AKAP6: variants seen among roughly 807,000 people sequenced by gnomAD.
The protein encoded by AKAP6 is A-kinase anchoring protein 6, also known as A-kinase anchor protein 6.
In AKAP6, 58 loss-of-function variants were observed where a neutral mutation model predicts 188.5. The ratio of observed to expected loss-of-function variants is 0.31; its 90% confidence interval spans 0.25 to 0.38. AKAP6 has a LOEUF of 0.38. AKAP6 is among the 10% of genes least tolerant of loss of function. The pLI, the probability that AKAP6 is intolerant of heterozygous loss-of-function variation, is 1.00. For missense variants in AKAP6, 2,710 were observed against 2,740.0 expected (o/e 0.99, Z 0.24); for synonymous variants, 989 against 998.6 (o/e 0.99, Z 0.18).
At chr14:32,645,674 T>C (rs917075446) in intron 7 of AKAP6, among the ~76,000 whole-genome samples, 2 of 152,116 alleles carry the variant, frequency 1.3e-5, no homozygotes, top group African/African-American at 4.8e-5. Context: ...ACCAGGGCTG[T>C]GTTGAATTCA....
At chr14:32,724,611 C>A (rs1413379390) in intron 9 of AKAP6, among the ~76,000 whole-genome samples, 1 of 151,986 alleles carries the variant, frequency 6.6e-6, no homozygotes, top group Admixed American at 6.6e-5. Flanking sequence ...TTAAAATTTC[C>A]ATATATCCAG....
intron 7 of AKAP6, among the ~76,000 whole-genome samples, chr14:32,636,208 C>G (rs1040234877): frequency 6.6e-6 from 1 of 152,058 alleles, no homozygotes; most frequent in African/African-American, 2.4e-5. Context: ...TATACATATA[C>G]AACATAATTG....
intron 1 of AKAP6, among the ~76,000 whole-genome samples, chr14:32,358,311 A>G (rs912723137): frequency 1.3e-5 from 2 of 152,228 alleles, no homozygotes; most frequent in Non-Finnish European, 2.9e-5. Flanking sequence ...CACTTCTTAC[A>G]CTTGCTTAGT....
chr14:32,581,780 G>T (rs1382392054), intron 5 of AKAP6, among the ~76,000 whole-genome samples: 1 of 151,918 alleles, frequency 6.6e-6, no homozygotes, highest in Non-Finnish European at 1.5e-5. Context: ...ATCTTTGTTG[G>T]TTTAAAGTCT....
chr14:32,777,091 T>G (rs1371096715), intron 12 of AKAP6, among the ~76,000 whole-genome samples: 1 of 152,142 alleles, frequency 6.6e-6, no homozygotes, highest in African/African-American at 2.4e-5. Context: ...AAGAAAAGTT[T>G]TTGCCTTAGT....
At chr14:32,695,048 A>T (rs932406639) in intron 8 of AKAP6, among the ~76,000 whole-genome samples, 3 of 152,222 alleles carry the variant, frequency 2.0e-5, no homozygotes, top group African/African-American at 7.2e-5. Context: ...GTTTTAGAAG[A>T]ATCTGGGCTT....
At chr14:32,339,902 A>G (rs1171112235) in intron 1 of AKAP6, among the ~76,000 whole-genome samples, 11 of 152,138 alleles carry the variant, frequency 7.2e-5, no homozygotes, top group Admixed American at 2.6e-4. Flanking sequence ...CTGCAGCTGA[A>G]TTTTGTACCA....
At chr14:32,336,581 A>G (rs1886710093) in intron 1 of AKAP6, among the ~76,000 whole-genome samples, 1 of 152,212 alleles carries the variant, frequency 6.6e-6, no homozygotes, top group African/African-American at 2.4e-5. Context: ...TGGGCTGTGC[A>G]TACAGATGGT....
chr14:32,817,024 A>T (rs541266316), intron 12 of AKAP6, among the ~76,000 whole-genome samples: 1 of 152,288 alleles, frequency 6.6e-6, no homozygotes, highest in South Asian at 2.1e-4. Context: ...CTTTCAAAAG[A>T]TGCAACTTTT....
At chr14:32,583,968 G>A (rs191850519) in intron 5 of AKAP6, among the ~76,000 whole-genome samples, 42 of 152,296 alleles carry the variant, frequency 2.8e-4, no homozygotes, top group East Asian at 1.2e-3. Context: ...GCTCGCGCAC[G>A]GTGCGCTGCA....
chr14:32,342,368 C>T (rs2138417077), intron 1 of AKAP6, among the ~76,000 whole-genome samples: 1 of 152,138 alleles, frequency 6.6e-6, no homozygotes, highest in East Asian at 1.9e-4. Context: ...ATCCTAAGCC[C>T]TCTCTTCCAT....
intron 1 of AKAP6, among the ~76,000 whole-genome samples, chr14:32,360,709 T>C (rs1207004230): frequency 4.7e-5 from 5 of 106,056 alleles, no homozygotes; most frequent in South Asian, 3.1e-4. Context: ...GTTTTGGCCA[T>C]TGAGTGTGTG....
chr14:32,728,511 C>G (rs964795177), intron 9 of AKAP6, among the ~76,000 whole-genome samples: 1 of 151,994 alleles, frequency 6.6e-6, no homozygotes, highest in African/African-American at 2.4e-5. Flanking sequence ...ATTCTAATAA[C>G]TAGATCATTT....
chr14:32,720,190 G>A (rs2030457972), intron 9 of AKAP6, among the ~76,000 whole-genome samples: 1 of 151,948 alleles, frequency 6.6e-6, no homozygotes, highest in South Asian at 2.1e-4. Context: ...GCTTTCTGAG[G>A]GTCTCAAATA....
At position 32,398,821 on chromosome 14, in the gene AKAP6, C is replaced by CCTCTCT. The variant is rs1482831090; in HGVS notation, c.-34-34630_-34-34625dup. 4.4e-3 allele frequency among the ~76,000 whole-genome samples: 593 copies of CCTCTCT among 133,902 alleles called. 9 individuals are homozygous for CCTCTCT. The highest frequency in any genetic ancestry group is 0.016 in the African/African-American group (558 of 34,390). 87.8% of individuals were successfully genotyped at this position (133,902 alleles called of 152,430 possible). On this transcript the variant is annotated intron_variant, in intron 1 of 13. Coordinates refer to ENST00000280979, the MANE Select transcript of AKAP6 (RefSeq NM_004274.5). ...CTCTCTCTCCCCCTCCCCCTCTCTC[C>CCTCTCT]CTCTCTCTCTCTCTTTCTTCCTGTT... is the stretch of plus-strand genomic sequence containing the variant.
intron 11 of AKAP6, among the ~76,000 whole-genome samples, chr14:32,760,249 T>C (rs1304600187): frequency 2.6e-5 from 4 of 152,200 alleles, no homozygotes; most frequent in East Asian, 3.8e-4. Context: ...TTATATCTTA[T>C]GTGAGAGATA....
chr14:32,809,679 A>C (rs1267348153), intron 12 of AKAP6, among the ~76,000 whole-genome samples: 1 of 152,172 alleles, frequency 6.6e-6, no homozygotes, highest in African/African-American at 2.4e-5. Context: ...AACGAAGGAA[A>C]ATGATTAATT....
intron 2 of AKAP6, among the ~76,000 whole-genome samples, chr14:32,516,485 G>A (rs182667305): frequency 6.6e-6 from 1 of 152,132 alleles, no homozygotes; most frequent in Admixed American, 6.5e-5. Context: ...CTGAAAAAAG[G>A]CACCTTGATC....
chr14:32,361,996 T>G lies in AKAP6; in HGVS notation c.-35+32588T>G, dbSNP rs187105965. On this transcript the variant is annotated intron_variant, in intron 1 of 13. Coordinates refer to ENST00000280979, the MANE Select transcript of AKAP6 (RefSeq NM_004274.5). ...AAATAATTTGCCTACCTCTCAGGTTTGTTGTAAGAAATGAATAAAATGATT... is the reference window on the plus strand; with the variant it reads ...AAATAATTTGCCTACCTCTCAGGTTGGTTGTAAGAAATGAATAAAATGATT... Among the ~76,000 whole-genome samples, 243 of 152,236 alleles carry G rather than the reference T, an allele frequency of 1.6e-3. 3 individuals are homozygous for G. The highest frequency in any genetic ancestry group is 1.2e-3 in the Non-Finnish European group (84 of 68,004).
Sources: allele counts gnomAD v4.1 joint callset (sites outside exome capture counted in the v4.1 genomes callset), GRCh38; gene constraint gnomAD v4.1.1; transcripts MANE v1.5; gene names NCBI Gene and HGNC (gene_info 2026-07-23, HGNC 2026-07-21).